Variants in CACNA1H observed in about 807,000 individuals in gnomAD.
CACNA1H encodes voltage-dependent T-type calcium channel subunit alpha-1H.
Under a neutral mutation model 192.5 loss-of-function variants are expected in CACNA1H, and 149 were observed. The observed-to-expected ratio is 0.77, with a 90% CI of 0.68 to 0.89. CACNA1H has a LOEUF of 0.89. Ranked by LOEUF, CACNA1H falls within the 40% of genes least tolerant of loss-of-function variation. The pLI is 0.00. For synonymous variants in CACNA1H, 2,202 were observed against 1,475.2 expected (o/e 1.49, Z -11.29); for missense variants, 4,257 against 3,423.5 (o/e 1.24, Z -6.08).
At position 1,166,008 on chromosome 16, in the gene CACNA1H, C is replaced by T. The variant is rs113389156; in HGVS notation, c.299+11972C>T. Among the ~76,000 whole-genome samples, 109 of 152,304 alleles carry T rather than the reference C, an allele frequency of 7.2e-4. 2 individuals carry two copies. The highest frequency in any genetic ancestry group is 4.3e-4 in the African/African-American group (18 of 41,580). On this transcript the variant is annotated intron_variant, in intron 2 of 34. Coordinates refer to ENST00000348261, the MANE Select transcript of CACNA1H (RefSeq NM_021098.3). The stretch of plus-strand genomic sequence containing the variant: ...TTCTGGGCTGAGGTCCCTTCTCGGT[C>T]CTCCTCGTCCTGTTGGCACCGTAGG...
Position 1,213,815 on chromosome 16 carries a change from C to G in CACNA1H, c.4813C>G (p.Pro1605Ala), listed in dbSNP as rs1969739760. ...QRRPYYADYS[P>A]TRRSIHSLCT... is the part of the protein sequence containing the mutation. ...CCGGCCCTACTATGCCGACTACTCG[C>G]CCACGCGCCGCTCCATTCACTCGCT... Residue 1605 changes from proline to alanine, a missense_variant, in exon 27 of 35, where the codon CCC becomes GCC. Pro to Ala is a conservative substitution (Grantham distance 27). Coordinates refer to ENST00000348261, the MANE Select transcript of CACNA1H (RefSeq NM_021098.3). 1 of 1,581,542 alleles carries G rather than the reference C, an allele frequency of 6.3e-7. No individual in the cohort carries two copies. Among genetic ancestry groups the G allele is most frequent in the Non-Finnish European group, 8.6e-7 (1 of 1,165,528 alleles).
At position 1,210,728 on chromosome 16, in the gene CACNA1H, G is replaced by A. The variant is rs543230622; in HGVS notation, c.4039-59G>A. The A allele has an allele frequency of 1.2e-4, 180 of 1,559,102 alleles. No individual in the cohort carries two copies. In the South Asian group the frequency reaches 1.6e-3, roughly 14 times the overall value. On this transcript the variant is annotated intron_variant, in intron 20 of 34. Transcript: ENST00000348261. ...CATCCCCACCCCCACCCAGCAGCGCGCCAGCTCCCCAGACCCCCCACGCCT... is the reference window on the plus strand; with the variant it reads ...CATCCCCACCCCCACCCAGCAGCGCACCAGCTCCCCAGACCCCCCACGCCT...
At chr16:1,217,257 G>A (rs768755693) in intron 31 of CACNA1H, among the ~76,000 whole-genome samples, 14 of 152,252 alleles carry the variant, frequency 9.2e-5, no homozygotes, top group Non-Finnish European at 1.9e-4. Flanking sequence ...CAGCAACACA[G>A]ACACAGGGAT....
At chr16:1,198,466 TCAC>T in intron 5 of CACNA1H, 146 bp from the exon 6 acceptor site, 1 of 789,748 alleles carries the variant, frequency 1.3e-6, no homozygotes, top group Non-Finnish European at 2.0e-6. Flanking sequence ...TGCGGGAAAA[TCAC>T]CAGGGGGTGG....
chr16:1,193,061 G>T (rs1020283806), intron 2 of CACNA1H, among the ~76,000 whole-genome samples: 1 of 152,164 alleles, frequency 6.6e-6, no homozygotes. Context: ...CAGCCAGGCT[G>T]GGGTAGAGTG....
chr16:1,218,107 G>C (rs998714586), intron 32 of CACNA1H, 67 bp downstream of exon 32: 14 of 1,554,802 alleles, frequency 9.0e-6, no homozygotes, highest in Non-Finnish European at 1.2e-5. Flanking sequence ...TCCCAGGAAC[G>C]GGTCGGATCC....
intron 2 of CACNA1H, among the ~76,000 whole-genome samples, chr16:1,173,868 C>T (rs1181991264): frequency 6.6e-6 from 1 of 152,170 alleles, no homozygotes; most frequent in Non-Finnish European, 1.5e-5. Flanking sequence ...ACAGTGGGAC[C>T]TCACGTCACG....
chr16:1,186,312 T>C (rs1361431512), intron 2 of CACNA1H, among the ~76,000 whole-genome samples: 2 of 151,952 alleles, frequency 1.3e-5, no homozygotes, highest in Non-Finnish European at 2.9e-5. Context: ...GTTCAGAAGC[T>C]GGGCCCAGGG....
At chr16:1,202,501 G>C (rs1023047051) in intron 9 of CACNA1H, 49 bp downstream of exon 9, 1 of 1,424,032 alleles carries the variant, frequency 7.0e-7, no homozygotes, top group African/African-American at 1.4e-5. Flanking sequence ...ACCTAGGCAG[G>C]GCGGGCAGGG....
At chr16:1,165,060 G>A (rs534826789) in intron 2 of CACNA1H, among the ~76,000 whole-genome samples, 73 of 152,258 alleles carry the variant, frequency 4.8e-4, no homozygotes, top group South Asian at 1.0e-3. Flanking sequence ...GAACAGTGGC[G>A]CTCACCTGAC....
chr16:1,194,260 G>A (rs1269415876), intron 2 of CACNA1H, among the ~76,000 whole-genome samples: 1 of 152,206 alleles, frequency 6.6e-6, no homozygotes, highest in Non-Finnish European at 1.5e-5. Flanking sequence ...GGCAGGGACT[G>A]TCAGAGCTGG....
At chr16:1,156,964 C>T (rs1186196410) in intron 2 of CACNA1H, 4 of 152,222 alleles carry the variant, frequency 2.6e-5, no homozygotes, top group Admixed American at 6.5e-5. Context: ...ATATAATTGT[C>T]TTAGAACTTT....
chr16:1,159,107 T>C (rs1044582910), intron 2 of CACNA1H, among the ~76,000 whole-genome samples: 3 of 152,190 alleles, frequency 2.0e-5, no homozygotes, highest in African/African-American at 7.2e-5. Flanking sequence ...ATGGGGGGAC[T>C]TGGGGAGCCG....
Position 1,220,284 on chromosome 16 carries a change from C to T in CACNA1H, c.6352C>T (p.His2118Tyr), listed in dbSNP as rs760865131. 7 of 1,584,960 alleles carry T rather than the reference C, an allele frequency of 4.4e-6. No individual in the cohort carries two copies. Among genetic ancestry groups the T allele is most frequent in the African/African-American group, 1.4e-5 (1 of 72,816 alleles). Residue 2118 changes from histidine (H) to tyrosine (Y), a missense_variant, in exon 35 of 35, where the codon CAT (histidine) becomes TAT (tyrosine). Transcript: ENST00000348261. ...CCCCTGGCAGCCCACAGCCGAGCCC[C>T]ATGGCCCCGAAGCCTCTCCGGTGGC... is the stretch of plus-strand genomic sequence containing the variant. ...ACPWQPTAEP[H>Y]GPEASPVAGG...
At chr16:1,162,825 G>A (rs939614924) in intron 2 of CACNA1H, among the ~76,000 whole-genome samples, 2 of 152,206 alleles carry the variant, frequency 1.3e-5, no homozygotes, top group African/African-American at 4.8e-5. Flanking sequence ...GGCCGAGGGA[G>A]TATGAGCAGG....
chr16:1,219,983 G>A lies in CACNA1H; in HGVS notation c.6051G>A (p.Glu2017=). 1.5e-6 allele frequency: 2 copies of A among 1,316,300 alleles called. No homozygotes were observed. Among genetic ancestry groups the A allele is most frequent in the African/African-American group, 3.0e-5 (2 of 65,588 alleles). 81.5% of individuals were successfully genotyped at this position (1,316,300 alleles called of 1,614,324 possible). The part of the protein sequence containing the change: ...PSLSRLLCRQ[E]AVHTDSLEGK... Reference sequence around the variant, plus strand: ...ACTTTGACTCTACGCCCCCACAGGAGGCTGTGCACACCGATTCCTTGGAAG... The same window carrying A: ...ACTTTGACTCTACGCCCCCACAGGAAGCTGTGCACACCGATTCCTTGGAAG... The change falls in exon 35 of 35, where the codon GAG becomes GAA. Residue 2017 remains glutamate, a splice_region_variant and synonymous_variant. Transcript: ENST00000348261.
In CACNA1H at chr16:1,169,232, C is replaced by T. The variant is rs928242892; in HGVS notation, c.299+15196C>T. Among the ~76,000 whole-genome samples the T allele has an allele frequency of 1.3e-4, 20 of 152,174 alleles. No individual in the cohort carries two copies. In the Middle Eastern group the frequency reaches 0.01, roughly 78 times the overall value. ...CCTGGAACGTGGACGTGGACGTGGA[C>T]GGGCTTCCTTTGCCGCTATGTTCAC... is the stretch of plus-strand genomic sequence containing the variant. On this transcript the variant is annotated intron_variant, in intron 2 of 34. Transcript: ENST00000348261.
At chr16:1,202,691 G>A (rs930763023) in intron 9 of CACNA1H, among the ~76,000 whole-genome samples, 14 of 152,158 alleles carry the variant, frequency 9.2e-5, no homozygotes, top group African/African-American at 2.9e-4. Context: ...TGGTAGCCGC[G>A]GAGGTGGGAT....
intron 2 of CACNA1H, among the ~76,000 whole-genome samples, chr16:1,169,515 C>A (rs1964149439): frequency 6.6e-6 from 1 of 152,236 alleles, no homozygotes; most frequent in Non-Finnish European, 1.5e-5. Flanking sequence ...CAGCGCGTGT[C>A]TCGGGTTCCC....
Sources: gnomAD v4.1 joint callset for allele counts (sites outside exome capture counted in the v4.1 genomes callset) on GRCh38, gnomAD v4.1.1 for gene constraint, MANE v1.5 for transcripts, NCBI Gene and HGNC (gene_info 2026-07-23, HGNC 2026-07-21) for gene names.